DMD: variants seen among roughly 807,000 people sequenced by gnomAD.
DMD encodes the protein dystrophin, also known as mutant dystrophin.
Under a neutral mutation model 330.1 loss-of-function variants are expected in DMD, and 63 were observed. That is an observed-to-expected ratio of 0.19 (90% CI 0.16 to 0.24). The LOEUF (loss-of-function observed/expected upper bound fraction) is 0.24. Ranked by LOEUF, DMD falls within the 10% of genes least tolerant of loss-of-function variation. The pLI, the probability that DMD is intolerant of heterozygous loss-of-function variation, is 1.00. For missense variants in DMD, 3,344 were observed against 2,684.1 expected (o/e 1.25, Z -5.43); for synonymous variants, 1,223 against 959.8 (o/e 1.27, Z -5.07).
rs1232076672 is a variant in DMD, at chrX:32,504,451, C to A, written c.2293-2609G>T. The stretch of plus-strand genomic sequence containing the variant: ...CCAGCCTGGCCAACATGGTGAAACC[C>A]TGTCTCTACTAAAAATACAAACATA... On this transcript the variant is annotated intron_variant, in intron 18 of 78. Coordinates refer to ENST00000357033, the MANE Select transcript of DMD (RefSeq NM_004006.3). Among the ~76,000 whole-genome samples the A allele has an allele frequency of 4.5e-5, 5 of 110,115 alleles. No homozygotes were observed. In the East Asian group the frequency reaches 1.4e-3, roughly 31 times the overall value.
At chrX:32,040,287 C>A (rs1250984388) in intron 44 of DMD, among the ~76,000 whole-genome samples, 3 of 110,783 alleles carry the variant, frequency 2.7e-5, no homozygotes, top group African/African-American at 9.8e-5. Context: ...CTTACAATCC[C>A]CACTAGATTT....
At chrX:32,606,273 A>C (rs762072898) in intron 12 of DMD, among the ~76,000 whole-genome samples, 83 of 110,401 alleles carry the variant, frequency 7.5e-4, no homozygotes, top group African/African-American at 2.4e-3. Flanking sequence ...AAGTCAGAAC[A>C]TAAGAGATGT....
At chrX:32,436,836 C>T (rs1328708251) in intron 29 of DMD, among the ~76,000 whole-genome samples, 1 of 109,734 alleles carries the variant, frequency 9.1e-6, no homozygotes, top group Non-Finnish European at 1.9e-5. Context: ...CCTGTAGTCC[C>T]AGCTACTCAG....
chrX:32,773,651 G>A (rs2073864713), intron 7 of DMD, among the ~76,000 whole-genome samples: 1 of 109,570 alleles, frequency 9.1e-6, no homozygotes, highest in African/African-American at 3.3e-5. Flanking sequence ...CCACATATGA[G>A]TGAGAACTTG....
rs780669409 is a variant in DMD, at chrX:32,403,842, T to A, written c.4233+7910A>T. 8.0e-5 allele frequency among the ~76,000 whole-genome samples: 9 copies of A among 112,045 alleles called. 1 individual carries two copies. Among genetic ancestry groups the A allele is most frequent in the Admixed American group, 1.9e-4 (2 of 10,510 alleles). ...AAATCTCTGGGTTAGTTCTCCATTT[T>A]TTTCTTCTTTGACTAAATTATCCAA... On this transcript the variant is annotated intron_variant, in intron 30 of 78. Transcript: ENST00000357033.
intron 60 of DMD, among the ~76,000 whole-genome samples, chrX:31,353,631 A>T (rs748549110): frequency 2.7e-5 from 3 of 112,175 alleles, no homozygotes; most frequent in Non-Finnish European, 5.6e-5. Context: ...TGGCAATATG[A>T]AAATCAGAAA....
At chrX:33,004,892 C>T (rs183629163) in intron 2 of DMD, among the ~76,000 whole-genome samples, 39 of 111,029 alleles carry the variant, frequency 3.5e-4, no homozygotes, top group African/African-American at 1.3e-3. Flanking sequence ...GGGTGTGCAC[C>T]ATCCATAAAA....
chrX:31,793,677 T>C (rs987321354), intron 50 of DMD, among the ~76,000 whole-genome samples: 1 of 111,984 alleles, frequency 8.9e-6, no homozygotes, highest in African/African-American at 3.3e-5. Context: ...GAATACTGTA[T>C]TGAACATGAA....
intron 1 of DMD, among the ~76,000 whole-genome samples, chrX:33,113,260 T>C: frequency 9.1e-6 from 1 of 109,446 alleles, no homozygotes; most frequent in Non-Finnish European, 1.9e-5. Flanking sequence ...TTTCACCATG[T>C]TGGCCAGGCT....
chrX:31,908,945 A>G (rs1339088700), intron 47 of DMD, among the ~76,000 whole-genome samples: 1 of 112,107 alleles, frequency 8.9e-6, no homozygotes, highest in Non-Finnish European at 1.9e-5. Flanking sequence ...GGTAAGTGCT[A>G]AAGGGATATC....
At chrX:31,673,938 G>A (rs1005563170) in intron 53 of DMD, among the ~76,000 whole-genome samples, 1 of 111,616 alleles carries the variant, frequency 9.0e-6, no homozygotes, top group South Asian at 3.7e-4. Flanking sequence ...AGTACTATTG[G>A]GTTATTGATC....
chrX:32,299,388 C>T (rs2148523520), intron 42 of DMD, among the ~76,000 whole-genome samples: 1 of 110,685 alleles, frequency 9.0e-6, no homozygotes, highest in South Asian at 3.8e-4. Context: ...AAACTGGATT[C>T]ACAGTTTTTA....
intron 9 of DMD, among the ~76,000 whole-genome samples, chrX:32,649,105 C>T (rs752054265): frequency 1.2e-4 from 13 of 109,174 alleles, no homozygotes; most frequent in Non-Finnish European, 1.7e-4. Flanking sequence ...ATGGATGAAA[C>T]GATTCTGTTT....
intron 44 of DMD, among the ~76,000 whole-genome samples, chrX:32,131,915 T>C (rs2096697255): frequency 9.0e-6 from 1 of 111,710 alleles, no homozygotes; most frequent in East Asian, 2.8e-4. Context: ...GTCAGTTCCG[T>C]AATTTTAAAA....
intron 2 of DMD, among the ~76,000 whole-genome samples, chrX:33,013,791 AAT>A (rs1490758562): frequency 9.2e-6 from 1 of 108,839 alleles, no homozygotes; most frequent in Admixed American, 9.8e-5. Context: ...TTAAATATAG[AAT>A]ATGTTTACTG....
chrX:32,874,345 AGAATGAAC>A (rs761320786), intron 2 of DMD, among the ~76,000 whole-genome samples: 512 of 112,056 alleles, frequency 4.6e-3, no homozygotes, highest in Non-Finnish European at 8.0e-3. Context: ...AAAATGTAGA[AGAATGAAC>A]GGTCAGCATG....
intron 44 of DMD, among the ~76,000 whole-genome samples, chrX:31,997,900 G>C (rs1379080797): frequency 8.9e-6 from 1 of 111,765 alleles, no homozygotes; most frequent in East Asian, 2.8e-4. Flanking sequence ...GCGTATGGGA[G>C]TTAAGAATAA....
chrX:32,946,381 CAAT>C (rs1332057434), intron 2 of DMD, among the ~76,000 whole-genome samples: 3 of 111,311 alleles, frequency 2.7e-5, no homozygotes, highest in Non-Finnish European at 5.7e-5. Context: ...AAAGATACAA[CAAT>C]AACTATTAAG....
At chrX:32,602,561 G>A (rs1320204129) in intron 12 of DMD, among the ~76,000 whole-genome samples, 4 of 111,227 alleles carry the variant, frequency 3.6e-5, no homozygotes, top group African/African-American at 1.3e-4. Flanking sequence ...AGACGGTATT[G>A]CCATTCTTAT....
Sources: allele counts gnomAD v4.1 joint callset (sites outside exome capture counted in the v4.1 genomes callset), GRCh38; gene constraint gnomAD v4.1.1; transcripts MANE v1.5; gene names NCBI Gene and HGNC (gene_info 2026-07-23, HGNC 2026-07-21).